The following PCBD2 variants were observed in gnomAD, a reference collection of about 807,000 sequenced individuals.
PCBD2 encodes pterin-4-alpha-carbinolamine dehydratase 2.
Under a neutral mutation model 16.4 loss-of-function variants are expected in PCBD2, and 12 were observed. The ratio of observed to expected loss-of-function variants is 0.73; its 90% confidence interval spans 0.47 to 1.19. The LOEUF (loss-of-function observed/expected upper bound fraction) is 1.19, where lower values mean the gene tolerates loss of function less well. Among genes scored for constraint, PCBD2 ranks in the 50% most tolerant of loss-of-function variants. PCBD2 has a pLI of 0.00. For synonymous variants in PCBD2, 58 were observed against 61.8 expected (o/e 0.94, Z 0.29); for missense variants, 138 against 156.8 (o/e 0.88, Z 0.64).
At chr5:134,959,547 C>A (rs957064627) in intron 3 of PCBD2, among the ~76,000 whole-genome samples, 25 of 152,088 alleles carry the variant, frequency 1.6e-4, no homozygotes, top group Non-Finnish European at 3.4e-4. Flanking sequence ...TAGGAAATGA[C>A]CTTATTTAAG....
chr5:134,907,873 C>T (rs192817232), intron 1 of PCBD2, among the ~76,000 whole-genome samples: 15 of 151,186 alleles, frequency 9.9e-5, no homozygotes, highest in South Asian at 2.1e-4. Context: ...CCACCCACCT[C>T]GGCCTCCCAA....
intron 2 of PCBD2, among the ~76,000 whole-genome samples, chr5:134,946,150 G>A (rs905297613): frequency 2.0e-5 from 3 of 151,582 alleles, no homozygotes; most frequent in African/African-American, 7.3e-5. Flanking sequence ...GGGTAGGAAT[G>A]TTTCTCTCCT....
chr5:134,949,671 C>T (rs894493083), intron 2 of PCBD2, among the ~76,000 whole-genome samples: 3 of 152,174 alleles, frequency 2.0e-5, no homozygotes, highest in Non-Finnish European at 4.4e-5. Context: ...TAAAATCTGA[C>T]GTTTCCTTTG....
intron 2 of PCBD2, among the ~76,000 whole-genome samples, chr5:134,939,787 A>G (rs1308624627): frequency 2.6e-5 from 4 of 152,196 alleles, no homozygotes; most frequent in Admixed American, 2.6e-4. Flanking sequence ...AGAGCTTGTA[A>G]AGACACTTCC....
intron 2 of PCBD2, among the ~76,000 whole-genome samples, chr5:134,946,684 T>C (rs1751299082): frequency 6.6e-6 from 1 of 152,218 alleles, no homozygotes; most frequent in African/African-American, 2.4e-5. Context: ...TGTGTACTGC[T>C]TATAGAAAAT....
At chr5:134,926,438 G>A (rs17164407) in intron 2 of PCBD2, 1 of 392,436 alleles carries the variant, frequency 2.5e-6, no homozygotes, top group Non-Finnish European at 4.5e-6. Context: ...GCTAGGGTGG[G>A]TATAGTAGCG....
Position 134,927,973 on chromosome 5 carries a change from T to C in PCBD2, c.216+17507T>C, listed in dbSNP as rs561243104. The C allele has an allele frequency of 3.8e-5, 15 of 396,566 alleles. No individual in the cohort carries two copies. The South Asian group carries it at 1.4e-3, about 37-fold the overall frequency. 24.6% of individuals were successfully genotyped at this position (396,566 alleles called of 1,614,324 possible). On this transcript the variant is annotated intron_variant, in intron 2 of 3. Coordinates refer to ENST00000254908, the MANE Select transcript of PCBD2 (RefSeq NM_032151.5). ...TGAGTGGTTGTGTTGATTCAAATTA[T>C]GTGTTTTTTGGAGAGTCATGTCAGT... is the stretch of plus-strand genomic sequence containing the variant.
intron 1 of PCBD2, among the ~76,000 whole-genome samples, chr5:134,908,549 C>T (rs2149529505): frequency 6.6e-6 from 1 of 151,384 alleles, no homozygotes; most frequent in East Asian, 2.0e-4. Context: ...CCTGTAATCA[C>T]AGCTACTCAG....
At chr5:134,949,034 T>C (rs1191936922) in intron 2 of PCBD2, among the ~76,000 whole-genome samples, 1 of 152,068 alleles carries the variant, frequency 6.6e-6, no homozygotes, top group East Asian at 1.9e-4. Flanking sequence ...GCAAGTAGAC[T>C]AGTGGCTTAG....
chr5:134,910,852 A>G (rs1488799084), intron 2 of PCBD2, among the ~76,000 whole-genome samples: 1 of 152,150 alleles, frequency 6.6e-6, no homozygotes, highest in Non-Finnish European at 1.5e-5. Flanking sequence ...GTACAGTGGT[A>G]TGATTGTGGC....
At chr5:134,910,487 C>A (rs1406702291) in intron 2 of PCBD2, 21 bp downstream of exon 2, 2 of 1,612,724 alleles carry the variant, frequency 1.2e-6, no homozygotes, top group South Asian at 2.2e-5. Flanking sequence ...TAAATTCTTG[C>A]TAGGGCTGTG....
At chr5:134,939,909 C>T (rs2149537155) in intron 2 of PCBD2, among the ~76,000 whole-genome samples, 1 of 152,076 alleles carries the variant, frequency 6.6e-6, no homozygotes, top group Admixed American at 6.5e-5. Flanking sequence ...CATAAGGAGA[C>T]CCCCACTCTG....
chr5:134,947,960 A>G (rs1751317513), intron 2 of PCBD2, among the ~76,000 whole-genome samples: 1 of 152,232 alleles, frequency 6.6e-6, no homozygotes, highest in African/African-American at 2.4e-5. Context: ...AGATTAGGGA[A>G]GAAAACCTCC....
At chr5:134,921,513 G>A (rs917295264) in intron 2 of PCBD2, among the ~76,000 whole-genome samples, 1 of 152,092 alleles carries the variant, frequency 6.6e-6, no homozygotes, top group Non-Finnish European at 1.5e-5. Flanking sequence ...TGGGAAATAA[G>A]GGCCCTAAAA....
intron 2 of PCBD2, among the ~76,000 whole-genome samples, chr5:134,932,022 A>G (rs936494861): frequency 6.6e-6 from 1 of 152,200 alleles, no homozygotes; most frequent in Admixed American, 6.5e-5. Context: ...TCACTTCCAG[A>G]TAGGTCTGCA....
chr5:134,934,199 C>T (rs1751131293), intron 2 of PCBD2, among the ~76,000 whole-genome samples: 1 of 151,748 alleles, frequency 6.6e-6, no homozygotes, highest in Admixed American at 6.6e-5. Context: ...ATGTACTTTC[C>T]CCTTTGTATT....
At chr5:134,914,000 A>G (rs932529280) in intron 2 of PCBD2, among the ~76,000 whole-genome samples, 1 of 152,066 alleles carries the variant, frequency 6.6e-6, no homozygotes, top group Non-Finnish European at 1.5e-5. Context: ...TGAGGTACTT[A>G]TTAGTCATCC....
intron 2 of PCBD2, among the ~76,000 whole-genome samples, chr5:134,945,686 C>A (rs551481833): frequency 1.7e-3 from 266 of 152,214 alleles, no homozygotes; most frequent in Non-Finnish European, 3.4e-3. Context: ...CTACACAGAA[C>A]AAATTTTCTA....
chr5:134,954,420 T>C (rs1751392555), intron 2 of PCBD2, among the ~76,000 whole-genome samples: 1 of 152,234 alleles, frequency 6.6e-6, no homozygotes, highest in Non-Finnish European at 1.5e-5. Flanking sequence ...TCTGTAACTG[T>C]AATTCCCACA....
Sources: gnomAD v4.1 joint callset for allele counts (sites outside exome capture counted in the v4.1 genomes callset) on GRCh38, gnomAD v4.1.1 for gene constraint, MANE v1.5 for transcripts, NCBI Gene and HGNC (gene_info 2026-07-23, HGNC 2026-07-21) for gene names.